CREB3L1: variants seen among roughly 807,000 people sequenced by gnomAD.
CREB3L1 encodes cyclic AMP-responsive element-binding protein 3-like protein 1.
Under a neutral mutation model 54.5 loss-of-function variants are expected in CREB3L1, and 33 were observed. The ratio of observed to expected loss-of-function variants is 0.61; its 90% CI spans 0.46 to 0.81. The LOEUF (loss-of-function observed/expected upper bound fraction) is 0.81. CREB3L1 is among the 30% of genes least tolerant of loss of function. The probability of loss-of-function intolerance (pLI) is 0.00; values close to 1 mark genes in which losing one functional copy is unlikely to be tolerated. For missense variants in CREB3L1, 656 were observed against 673.3 expected, an observed-to-expected ratio of 0.97 and a Z score of 0.29; for synonymous variants, 284 against 286.4, an observed-to-expected ratio of 0.99 and a Z score of 0.08.
chr11:46,310,451 T>G (rs1458780613), intron 4 of CREB3L1, among the ~76,000 whole-genome samples: 1 of 152,020 alleles, frequency 6.6e-6, no homozygotes. Flanking sequence ...TATTTTTTAG[T>G]AGAGACGGGG....
chr11:46,292,728 GTAA>G (rs1939147864), intron 1 of CREB3L1, among the ~76,000 whole-genome samples: 2 of 152,268 alleles, frequency 1.3e-5, no homozygotes, highest in Non-Finnish European at 2.9e-5. Flanking sequence ...CTGGGCTCAA[GTAA>G]TCCTCCTTCA....
chr11:46,287,547 C>T (rs961245570), intron 1 of CREB3L1, among the ~76,000 whole-genome samples: 12 of 152,084 alleles, frequency 7.9e-5, no homozygotes, highest in African/African-American at 2.7e-4. Flanking sequence ...GCGATCCTCC[C>T]TCCTTGGCTC....
chr11:46,310,605 A>G (rs1939469489), intron 4 of CREB3L1, among the ~76,000 whole-genome samples: 1 of 151,588 alleles, frequency 6.6e-6, no homozygotes, highest in South Asian at 2.1e-4. Context: ...TACTGCTGCC[A>G]TCGCTCCTGC....
At position 46,307,955 on chromosome 11, in the gene CREB3L1, G is replaced by T. The variant is rs369699514; in HGVS notation, c.471G>T (p.Pro157=). The T allele has an allele frequency of 6.4e-7, 1 of 1,552,758 alleles. No homozygotes were observed. Among genetic ancestry groups the T allele is most frequent in the Non-Finnish European group, 8.7e-7 (1 of 1,150,966 alleles). ...CCGCGGCCGCCATGGCCACCACCCC[G>T]CTGCTGGGCCTCAGCCCCTTGTCCA... The part of the protein sequence containing the change: ...MAAAAAMATT[P]LLGLSPLSRL... Residue 157 remains proline (P), a synonymous_variant, in exon 3 of 12, where the codon CCG becomes CCT. Transcript: ENST00000621158.
At chr11:46,299,791 G>T (rs919740896) in intron 1 of CREB3L1, 144 bp from the exon 2 acceptor site, 1 of 658,516 alleles carries the variant, frequency 1.5e-6, no homozygotes, top group Admixed American at 2.3e-5. Context: ...TGATGTTGCT[G>T]ATATTAATGG....
Position 46,315,136 on chromosome 11 carries a change from A to G in CREB3L1, c.1032-1150A>G, listed in dbSNP as rs768897591. 7 of 268,010 alleles carry G rather than the reference A, an allele frequency of 2.6e-5. No homozygotes were observed. The South Asian group carries it at 3.0e-4, about 11-fold the overall frequency. The allele number at this position is 268,010 out of a possible 1,614,324, so 16.6% of individuals were successfully genotyped here. A position where few individuals can be genotyped will look rare whatever the true frequency, so the allele number is the denominator to read the frequency against. On this transcript the variant is annotated intron_variant, in intron 8 of 11. Coordinates refer to ENST00000621158, the MANE Select transcript of CREB3L1 (RefSeq NM_052854.4). ...TTGGTATGCAGCAGGTGCTCAACAC[A>G]AGACTTTTTCCTTCTTTCCTTCCTT...
intron 1 of CREB3L1, among the ~76,000 whole-genome samples, chr11:46,281,873 A>C (rs1268070834): frequency 6.6e-6 from 1 of 152,136 alleles, no homozygotes; most frequent in Non-Finnish European, 1.5e-5. Flanking sequence ...GTGCTAAGGC[A>C]CTCTGGTCTC....
chr11:46,305,983 C>T (rs757398893), intron 2 of CREB3L1, among the ~76,000 whole-genome samples: 95 of 151,926 alleles, frequency 6.3e-4, no homozygotes, highest in Non-Finnish European at 1.1e-3. Context: ...ATGATCCGCC[C>T]GTCTTAGCCT....
At chr11:46,296,539 A>AT (rs527250398) in intron 1 of CREB3L1, among the ~76,000 whole-genome samples, 375 of 152,240 alleles carry the variant, frequency 2.5e-3, no homozygotes, top group African/African-American at 8.5e-3. Flanking sequence ...TAACTTGGTG[A>AT]TAGAAACCAA....
intron 4 of CREB3L1, 23 bp downstream of exon 4, chr11:46,310,090 C>G: frequency 6.6e-7 from 1 of 1,510,948 alleles, no homozygotes; most frequent in Non-Finnish European, 9.0e-7. Context: ...AGGGGAAGGG[C>G]TCTTTTCCCC....
chr11:46,312,557 C>T (rs1426830115), intron 6 of CREB3L1, 55 bp from the exon 7 acceptor site: 9 of 1,607,236 alleles, frequency 5.6e-6, no homozygotes, highest in Non-Finnish European at 7.6e-6. Context: ...ATTGGGGGGC[C>T]CAGGAAGTGA....
rs368441030 is a variant in CREB3L1, at chr11:46,320,482, G to A, written c.1477G>A (p.Gly493Ser). ...GGCCTGGCCTAAAGACGGTGGAAACGGCACCAGCCCCGACTTCTCCCACTC... is the reference window on the plus strand; with the variant it reads ...GGCCTGGCCTAAAGACGGTGGAAACAGCACCAGCCCCGACTTCTCCCACTC... ...SEAWPKDGGN[G>S]TSPDFSHSKE... The change falls in exon 11 of 12, where the codon GGC (glycine) becomes AGC (serine). Residue 493 changes from glycine to serine, a missense_variant. Gly to Ser is a moderately conservative substitution (Grantham distance 56). Around this residue, in one of 3 missense-constraint regions of CREB3L1, gnomAD observed 240 missense variants for 219.8 expected, o/e 1.09. Transcript: ENST00000621158. 4.1e-5 allele frequency: 65 copies of A among 1,596,124 alleles called. No homozygotes were observed. The highest frequency in any genetic ancestry group is 1.7e-4 in the Middle Eastern group (1 of 6,056).
chr11:46,305,013 C>T (rs1939358811), intron 2 of CREB3L1, among the ~76,000 whole-genome samples: 1 of 152,180 alleles, frequency 6.6e-6, no homozygotes, highest in Non-Finnish European at 1.5e-5. Flanking sequence ...AGGCTCCCAA[C>T]AGGGTGCGGC....
chr11:46,294,697 G>A (rs990462145), intron 1 of CREB3L1, among the ~76,000 whole-genome samples: 7 of 152,066 alleles, frequency 4.6e-5, no homozygotes, highest in African/African-American at 1.7e-4. Context: ...GGGGACTCAA[G>A]GGGCCCACCT....
chr11:46,294,318 C>T (rs1235767388), intron 1 of CREB3L1, among the ~76,000 whole-genome samples: 1 of 152,098 alleles, frequency 6.6e-6, no homozygotes, highest in Non-Finnish European at 1.5e-5. Flanking sequence ...GCCAGGAAGA[C>T]TCAGGGAGGG....
At chr11:46,309,796 C>G (rs1939457441) in intron 3 of CREB3L1, among the ~76,000 whole-genome samples, 193 bp from the exon 4 acceptor site, 1 of 152,246 alleles carries the variant, frequency 6.6e-6, no homozygotes, top group Admixed American at 6.5e-5. Flanking sequence ...AATCCTTTCT[C>G]TTAGGTGTGA....
chr11:46,320,146 G>A lies in CREB3L1; in HGVS notation c.1259-118G>A, dbSNP rs574308067. On this transcript the variant is annotated intron_variant, in intron 10 of 11. Coordinates refer to ENST00000621158, the MANE Select transcript of CREB3L1 (RefSeq NM_052854.4). ...GGCTTACCTGAGGTCACACATCCGG[G>A]AAGTGTCAGAGCTGGGACTCAGATC... 12 of 1,148,078 alleles carry A rather than the reference G, an allele frequency of 1.0e-5. No individual in the cohort carries two copies. The South Asian group carries it at 1.8e-4, about 17-fold the overall frequency. 71.1% of individuals were successfully genotyped at this position (1,148,078 alleles called of 1,614,324 possible). A position where few individuals can be genotyped will look rare whatever the true frequency, so the allele number is the denominator to read the frequency against.
chr11:46,284,010 C>T (rs1390339948), intron 1 of CREB3L1, among the ~76,000 whole-genome samples: 2 of 152,088 alleles, frequency 1.3e-5, no homozygotes, highest in East Asian at 1.9e-4. Context: ...GTCTGTGCCC[C>T]GATATGTTGT....
chr11:46,320,659 G>A lies in CREB3L1; in HGVS notation c.1524-51G>A, dbSNP rs73464033. 10,754 of 1,591,334 alleles carry A rather than the reference G, an allele frequency of 6.8e-3. 632 individuals carry two copies. In the African/African-American group the frequency reaches 0.13, roughly 19 times the overall value. On this transcript the variant is annotated intron_variant, in intron 11 of 11. Coordinates refer to ENST00000621158, the MANE Select transcript of CREB3L1 (RefSeq NM_052854.4). ...TTGGTCTAGATCCAGCTTGCAGAGG[G>A]TAAGAGGGTTCCTGCTGGACAGTCA...
Sources: gnomAD v4.1 joint callset for allele counts (sites outside exome capture counted in the v4.1 genomes callset) on GRCh38, gnomAD v4.1.1 for gene constraint, gnomAD v4.1.1 regional missense constraint, MANE v1.5 for transcripts, NCBI Gene and HGNC (gene_info 2026-07-23, HGNC 2026-07-21) for gene names.